Variants in SDK1 observed in about 807,000 individuals in gnomAD.
The protein encoded by SDK1 is sidekick cell adhesion molecule 1, also known as protein sidekick-1.
A neutral mutation model predicts 245.5 loss-of-function variants in SDK1; 157 were observed. That is an observed-to-expected ratio of 0.64 (90% CI 0.56 to 0.73). The LOEUF (loss-of-function observed/expected upper bound fraction) is 0.73. Ranked by LOEUF, SDK1 falls within the 30% of genes least tolerant of loss-of-function variation. The pLI is 0.00. For synonymous variants in SDK1, 1,647 were observed against 1,278.5 expected (o/e 1.29, Z -6.15); for missense variants, 3,583 against 3,002.3 (o/e 1.19, Z -4.52).
At chr7:4,067,471 C>T (rs905149619) in intron 19 of SDK1, among the ~76,000 whole-genome samples, 6 of 152,164 alleles carry the variant, frequency 3.9e-5, no homozygotes, top group South Asian at 2.1e-4. Context: ...AAGCCAGACA[C>T]GGGGTTGCAT....
At chr7:4,220,363 A>G in intron 39 of SDK1, 93 bp downstream of exon 39, 18 of 1,370,212 alleles carry the variant, frequency 1.3e-5, no homozygotes, top group Non-Finnish European at 1.8e-5. Flanking sequence ...CATGGTCAAC[A>G]AGGTGATGTT....
At chr7:3,811,370 C>T (rs1276980426) in intron 4 of SDK1, among the ~76,000 whole-genome samples, 1 of 152,172 alleles carries the variant, frequency 6.6e-6, no homozygotes, top group African/African-American at 2.4e-5. Context: ...GGTGTTACTT[C>T]CTGTCAACTG....
rs994247980 is a variant in SDK1, at chr7:4,073,786, C to T, written c.3011-3212C>T. ...GTGCACCATGAGAAACAAACTCACCCGTCCAAACCCAAAGAATGGACTCAG... is the reference window on the plus strand; with the variant it reads ...GTGCACCATGAGAAACAAACTCACCTGTCCAAACCCAAAGAATGGACTCAG... On this transcript the variant is annotated intron_variant, in intron 20 of 44. Coordinates refer to ENST00000404826, the MANE Select transcript of SDK1 (RefSeq NM_152744.4). Among the ~76,000 whole-genome samples the T allele has an allele frequency of 5.3e-5, 8 of 152,146 alleles. 1 individual carries two copies. Among genetic ancestry groups the T allele is most frequent in the Non-Finnish European group, 8.8e-5 (6 of 68,036 alleles).
At chr7:4,241,936 C>A (rs376046457) in intron 43 of SDK1, 23 bp downstream of exon 43, 6 of 1,609,388 alleles carry the variant, frequency 3.7e-6, no homozygotes, top group Non-Finnish European at 8.5e-7. Flanking sequence ...TGCTGTGCTG[C>A]GCCCACCTGG....
intron 17 of SDK1, among the ~76,000 whole-genome samples, chr7:4,035,024 G>T (rs1788112367): frequency 6.6e-6 from 1 of 152,176 alleles, no homozygotes; most frequent in African/African-American, 2.4e-5. Context: ...TGTTGCCCAG[G>T]CTGGAGTGCA....
intron 5 of SDK1, among the ~76,000 whole-genome samples, chr7:3,949,196 G>A (rs1049391380): frequency 1.3e-5 from 2 of 152,216 alleles, no homozygotes; most frequent in African/African-American, 4.8e-5. Flanking sequence ...GGGGAAGGCT[G>A]CCTCAGCCCC....
chr7:3,543,492 T>C (rs1779115551), intron 1 of SDK1, among the ~76,000 whole-genome samples: 1 of 152,240 alleles, frequency 6.6e-6, no homozygotes, highest in Non-Finnish European at 1.5e-5. Context: ...CCTCATGGTC[T>C]GCTCGTGGCT....
At chr7:3,453,525 G>A (rs1024505085) in intron 1 of SDK1, among the ~76,000 whole-genome samples, 3 of 152,168 alleles carry the variant, frequency 2.0e-5, no homozygotes, top group African/African-American at 7.2e-5. Flanking sequence ...CACAGAGGGA[G>A]GGGAAGAAAG....
intron 1 of SDK1, among the ~76,000 whole-genome samples, chr7:3,543,348 G>C (rs566392750): frequency 2.6e-5 from 4 of 152,248 alleles, no homozygotes; most frequent in Admixed American, 2.6e-4. Flanking sequence ...ACTATCTGTT[G>C]CAAGTGTGAG....
At chr7:4,017,118 C>G in intron 16 of SDK1, 53 bp from the exon 17 acceptor site, 1 of 1,525,114 alleles carries the variant, frequency 6.6e-7, no homozygotes, top group East Asian at 2.3e-5. Context: ...GGGTAAACAC[C>G]GTTCCTGGGT....
chr7:3,363,804 G>A (rs1416900563), intron 1 of SDK1, among the ~76,000 whole-genome samples: 4 of 152,200 alleles, frequency 2.6e-5, no homozygotes, highest in Non-Finnish European at 5.9e-5. Context: ...CCCTCCTGCT[G>A]TGCAGCCTGG....
intron 42 of SDK1, among the ~76,000 whole-genome samples, chr7:4,238,232 A>G (rs1786302650): frequency 6.6e-6 from 1 of 151,626 alleles, no homozygotes; most frequent in Non-Finnish European, 1.5e-5. Flanking sequence ...GGCGCCTGCC[A>G]CTACGCCCGG....
At position 3,820,117 on chromosome 7, in the gene SDK1, C is replaced by A. The variant is rs967660452; in HGVS notation, c.714-1333C>A. On this transcript the variant is annotated intron_variant, in intron 4 of 44. Transcript: ENST00000404826. ...TGCATCTTACCTTCTATGCCAAATTCACCAGCCAATGAATAGTTTACTCAC... is the reference window on the plus strand; with the variant it reads ...TGCATCTTACCTTCTATGCCAAATTAACCAGCCAATGAATAGTTTACTCAC... Among the ~76,000 whole-genome samples the A allele has an allele frequency of 4.6e-5, 7 of 152,244 alleles. No individual in the cohort carries two copies. In the South Asian group the frequency reaches 6.2e-4, roughly 14 times the overall value.
intron 1 of SDK1, among the ~76,000 whole-genome samples, chr7:3,500,227 G>T (rs931160208): frequency 6.6e-6 from 1 of 152,066 alleles, no homozygotes; most frequent in Non-Finnish European, 1.5e-5. Flanking sequence ...GTGTTTTGAG[G>T]ATTCCATTTG....
At chr7:3,350,502 T>C (rs141120363) in intron 1 of SDK1, among the ~76,000 whole-genome samples, 1 of 152,308 alleles carries the variant, frequency 6.6e-6, no homozygotes, top group African/African-American at 2.4e-5. Context: ...GTCTTCTTGG[T>C]GGTTATTTTG....
intron 28 of SDK1, among the ~76,000 whole-genome samples, chr7:4,138,599 T>G (rs1350761978): frequency 6.6e-6 from 1 of 151,632 alleles, no homozygotes; most frequent in Admixed American, 6.6e-5. Context: ...ATACAAAAAT[T>G]AGCTGGGCAT....
At chr7:3,396,042 C>G (rs1781888066) in intron 1 of SDK1, among the ~76,000 whole-genome samples, 1 of 151,532 alleles carries the variant, frequency 6.6e-6, no homozygotes. Context: ...AAGGTGAATT[C>G]TTAGATTATT....
chr7:3,338,500 C>T, intron 1 of SDK1: 2 of 475,630 alleles, frequency 4.2e-6, no homozygotes, highest in Non-Finnish European at 8.1e-6. Flanking sequence ...TACCAGGGTT[C>T]AGCTGAAGAG....
chr7:3,915,033 C>T (rs548657418), intron 5 of SDK1, among the ~76,000 whole-genome samples: 1 of 152,328 alleles, frequency 6.6e-6, no homozygotes, highest in South Asian at 2.1e-4. Flanking sequence ...GCACATTTCT[C>T]CCGGAAATCC....
Sources: gnomAD v4.1 joint callset for allele counts (sites outside exome capture counted in the v4.1 genomes callset) on GRCh38, gnomAD v4.1.1 for gene constraint, MANE v1.5 for transcripts, NCBI Gene and HGNC (gene_info 2026-07-23, HGNC 2026-07-21) for gene names.